The following PDPK1 variants were observed in gnomAD, a reference collection of about 807,000 sequenced individuals.
The protein encoded by PDPK1 is 3-phosphoinositide dependent protein kinase 1, also known as 3-phosphoinositide-dependent protein kinase 1.
Under a neutral mutation model 39.8 loss-of-function variants are expected in PDPK1, and 7 were observed. That is an observed-to-expected ratio of 0.18 (90% CI 0.10 to 0.33). The LOEUF is 0.33. PDPK1 is among the 10% of genes least tolerant of loss of function. The pLI is 1.00. For missense variants in PDPK1, 182 were observed against 384.7 expected, an observed-to-expected ratio of 0.47 and a Z score of 4.41; for synonymous variants, 118 against 159.1, an observed-to-expected ratio of 0.74 and a Z score of 1.95.
chr16:2,587,027 A>C, intron 11 of PDPK1, 134 bp downstream of exon 11: 1 of 780,720 alleles, frequency 1.3e-6, no homozygotes, highest in Non-Finnish European at 2.2e-6. Flanking sequence ...AGCACATCGT[A>C]AGTGCACAGT....
intron 1 of PDPK1, among the ~76,000 whole-genome samples, chr16:2,542,647 C>T (rs572336735): frequency 1.3e-5 from 2 of 152,384 alleles, no homozygotes; most frequent in African/African-American, 4.8e-5. Flanking sequence ...AGTTCCTGGA[C>T]AGTCCAGTGA....
intron 1 of PDPK1, chr16:2,538,832 A>T (rs989545718): frequency 4.4e-6 from 5 of 1,148,016 alleles, no homozygotes; most frequent in Non-Finnish European, 5.6e-6. Context: ...ATGTTTTGCT[A>T]AAAGTGTCGC....
chr16:2,587,355 A>T (rs1353908957), intron 11 of PDPK1, among the ~76,000 whole-genome samples: 1 of 152,088 alleles, frequency 6.6e-6, no homozygotes, highest in Admixed American at 6.6e-5. Flanking sequence ...GCCTTTCCCA[A>T]TGCTCTTGCC....
Position 2,600,906 on chromosome 16 carries a change from G to C in PDPK1, c.*3139G>C, listed in dbSNP as rs1468065305. ...ACATCCGACACACACCGTTTGCATC[G>C]TCTTCTCCCTTGATATTTTAAGCAT... On this transcript the variant is annotated 3_prime_UTR_variant, in exon 14 of 14. Transcript: ENST00000342085. The C allele has an allele frequency of 4.6e-6, 1 of 217,134 alleles. No individual in the cohort carries two copies. The highest frequency in any genetic ancestry group is 8.9e-6 in the Non-Finnish European group (1 of 112,934). 13.5% of individuals were successfully genotyped at this position (217,134 alleles called of 1,614,324 possible). A position where few individuals can be genotyped will look rare whatever the true frequency, so the allele number is the denominator to read the frequency against.
intron 7 of PDPK1, among the ~76,000 whole-genome samples, chr16:2,578,027 A>G (rs1458205352): frequency 6.7e-6 from 1 of 148,724 alleles, no homozygotes; most frequent in Non-Finnish European, 1.5e-5. Context: ...GTGAGCCACC[A>G]TGCCCAGCCT....
chr16:2,540,920 G>A (rs2066233330), intron 1 of PDPK1, among the ~76,000 whole-genome samples: 1 of 152,228 alleles, frequency 6.6e-6, no homozygotes, highest in African/African-American at 2.4e-5. Flanking sequence ...GCATCCTTAG[G>A]GGAAGGTGAG....
In PDPK1 at chr16:2,586,656, C is replaced by G. The variant is rs759112704; in HGVS notation, c.1126-20C>G. Reference sequence around the variant, plus strand: ...GAGGCAAGTGAAGGTGCGGTTCTCACTTTCCCTTCTTCTCTGCAGTATGAC... The same window carrying G: ...GAGGCAAGTGAAGGTGCGGTTCTCAGTTTCCCTTCTTCTCTGCAGTATGAC... On this transcript the variant is annotated intron_variant, in intron 10 of 13. Transcript: ENST00000342085. 1 of 1,610,036 alleles carries G rather than the reference C, an allele frequency of 6.2e-7. No individual in the cohort carries two copies. Among genetic ancestry groups the G allele is most frequent in the Non-Finnish European group, 8.5e-7 (1 of 1,176,978 alleles).
Position 2,602,022 on chromosome 16 carries a change from C to G in PDPK1, c.*4255C>G. ...ATTGCACGGAATTTGGTTTCTTGCC[C>G]TCTGAAGCCTGAGGGCCCCCCCTTG... On this transcript the variant is annotated 3_prime_UTR_variant, in exon 14 of 14. Transcript: ENST00000342085. 4.3e-6 allele frequency: 1 copy of G among 234,326 alleles called. No individual in the cohort carries two copies. Among genetic ancestry groups the G allele is most frequent in the Non-Finnish European group, 8.5e-6 (1 of 117,814 alleles). The allele number at this position is 234,326 out of a possible 1,614,324, so 14.5% of individuals were successfully genotyped here. A position where few individuals can be genotyped will look rare whatever the true frequency, so the allele number is the denominator to read the frequency against.
chr16:2,580,438 G>A (rs1426138387), intron 7 of PDPK1, among the ~76,000 whole-genome samples: 6 of 143,984 alleles, frequency 4.2e-5, no homozygotes, highest in Non-Finnish European at 9.0e-5. Flanking sequence ...TGAATTCCTC[G>A]GTGTGGATTT....
chr16:2,586,182 A>G (rs1397588037), intron 10 of PDPK1, among the ~76,000 whole-genome samples: 5 of 152,226 alleles, frequency 3.3e-5, no homozygotes, highest in African/African-American at 9.6e-5. Context: ...AAACAATTGA[A>G]TGTGTTTAGT....
intron 1 of PDPK1, among the ~76,000 whole-genome samples, chr16:2,550,423 G>A (rs1331185702): frequency 0.01 from 808 of 79,166 alleles, no homozygotes; most frequent in Admixed American, 0.016. Flanking sequence ...GGCCCCTCCC[G>A]TTCAGAGGTA....
rs551935898 is a variant in PDPK1 at position 2,602,043 on chromosome 16, C to G, written c.*4276C>G. ...TGCCCTCTGAAGCCTGAGGGCCCCC[C>G]CTTGCCTGGCTGGTTGACAGACCCG... is the stretch of plus-strand genomic sequence containing the variant. On this transcript the variant is annotated 3_prime_UTR_variant, in exon 14 of 14. Coordinates refer to ENST00000342085, the MANE Select transcript of PDPK1 (RefSeq NM_002613.5). 3 of 234,424 alleles carry G rather than the reference C, an allele frequency of 1.3e-5. No homozygotes were observed. The East Asian group carries it at 1.8e-4, about 14-fold the overall frequency. 14.5% of individuals were successfully genotyped at this position (234,424 alleles called of 1,614,324 possible).
At chr16:2,577,638 C>A (rs1457775441) in intron 7 of PDPK1, 138 bp downstream of exon 7, 2 of 637,736 alleles carry the variant, frequency 3.1e-6, no homozygotes, top group Non-Finnish European at 5.6e-6. Flanking sequence ...GGCGTATTTT[C>A]CGTGGCGTAC....
At position 2,597,020 on chromosome 16, in the gene PDPK1, C is replaced by T. The variant is rs1370265451; in HGVS notation, c.1402-103C>T. 7.5e-6 allele frequency: 6 copies of T among 801,208 alleles called. No individual in the cohort carries two copies. In the Admixed American group the frequency reaches 1.6e-4, roughly 22 times the overall value. The allele number at this position is 801,208 out of a possible 1,614,324, so 49.6% of individuals were successfully genotyped here. A position where few individuals can be genotyped will look rare whatever the true frequency, so the allele number is the denominator to read the frequency against. On this transcript the variant is annotated intron_variant, in intron 12 of 13. Coordinates refer to ENST00000342085, the MANE Select transcript of PDPK1 (RefSeq NM_002613.5). This position sits in a 1 kb window ranked among gnomAD's most constrained non-coding sequence, Gnocchi z 6.3. ...TGAGTGCACAGGTGGTGGTGGTGGCCCTGTGTCCTGAGCAGCTCCGAGGGG... is the reference window on the plus strand; with the variant it reads ...TGAGTGCACAGGTGGTGGTGGTGGCTCTGTGTCCTGAGCAGCTCCGAGGGG...
chr16:2,579,399 G>A (rs1324274311), intron 7 of PDPK1: 8 of 85,206 alleles, frequency 9.4e-5, no homozygotes, highest in Non-Finnish European at 1.8e-4. Context: ...GGCCACTTTA[G>A]CATTGGTGCA....
In PDPK1 at chr16:2,550,546, G is replaced by T. The variant is rs573906874; in HGVS notation, c.25-7157G>T. On this transcript the variant is annotated intron_variant, in intron 1 of 13. Coordinates refer to ENST00000342085, the MANE Select transcript of PDPK1 (RefSeq NM_002613.5). ...TTGCAGAGAAATCTTGTACTTTGGT[G>T]TTTCATCATCTGTTTGTGTGACAAA... 9.1e-3 allele frequency: 494 copies of T among 54,118 alleles called. 4 individuals are homozygous for T. Among genetic ancestry groups the T allele is most frequent in the Admixed American group, 0.028 (98 of 3,544 alleles). The allele number at this position is 54,118 out of a possible 1,614,324, so 3.4% of individuals were successfully genotyped here.
rs1281419963 is a variant in PDPK1, at chr16:2,599,449, C to G, written c.*1682C>G. ...GCCTGGGAGGGGGCAGAGATGTTCC[C>G]CAGGCCCTGCCTGTGGTTCCTGCCT... On this transcript the variant is annotated 3_prime_UTR_variant, in exon 14 of 14. Transcript: ENST00000342085. 3 of 233,090 alleles carry G rather than the reference C, an allele frequency of 1.3e-5. No individual in the cohort carries two copies. The highest frequency in any genetic ancestry group is 5.6e-5 in the Admixed American group (1 of 17,788). 14.4% of individuals were successfully genotyped at this position (233,090 alleles called of 1,614,324 possible). A position where few individuals can be genotyped will look rare whatever the true frequency, so the allele number is the denominator to read the frequency against.
At chr16:2,556,398 C>G (rs2066496619) in intron 1 of PDPK1, among the ~76,000 whole-genome samples, 1 of 113,076 alleles carries the variant, frequency 8.8e-6, no homozygotes, top group South Asian at 3.5e-4. Flanking sequence ...AAATTTCACT[C>G]TTGTTGCCTA....
chr16:2,553,352 A>T lies in PDPK1; in HGVS notation c.25-4351A>T, dbSNP rs867386009. On this transcript the variant is annotated intron_variant, in intron 1 of 13. Transcript: ENST00000342085. ...CCTGGCTCTTTTTTTTTTTTTTTTT[A>T]ATTTCTTTTTTAAAAAGAGACAAGG... Among the ~76,000 whole-genome samples, 271 of 130,336 alleles carry T rather than the reference A, an allele frequency of 2.1e-3. 6 individuals carry two copies. Among genetic ancestry groups the T allele is most frequent in the South Asian group, 0.019 (77 of 4,008 alleles). 85.5% of individuals were successfully genotyped at this position (130,336 alleles called of 152,430 possible). A position where few individuals can be genotyped will look rare whatever the true frequency, so the allele number is the denominator to read the frequency against.
Sources: allele counts gnomAD v4.1 joint callset (sites outside exome capture counted in the v4.1 genomes callset), GRCh38; gene constraint gnomAD v4.1.1; non-coding constraint Gnocchi (gnomAD v3.1); transcripts MANE v1.5; gene names NCBI Gene and HGNC (gene_info 2026-07-23, HGNC 2026-07-21).